SPATA16: variants seen among roughly 807,000 people sequenced by gnomAD.
The protein encoded by SPATA16 is spermatogenesis-associated protein 16.
In SPATA16, 36 loss-of-function variants were observed where a neutral mutation model predicts 63.3. That is an observed-to-expected ratio of 0.57 (90% confidence interval 0.44 to 0.75). SPATA16 has a LOEUF of 0.75. SPATA16 is among the 30% of genes least tolerant of loss of function. The pLI, the probability that SPATA16 is intolerant of heterozygous loss-of-function variation, is 0.00. For missense variants in SPATA16, 646 were observed against 679.3 expected (o/e 0.95, Z 0.54); for synonymous variants, 203 against 216.7 (o/e 0.94, Z 0.56).
Position 173,048,950 on chromosome 3 carries a change from T to TATACTAATAA in SPATA16, c.756_757insTTATTAGTAT (p.Arg253LeufsTer4). On this transcript the variant is annotated frameshift_variant and splice_region_variant, in exon 3 of 11. Coordinates refer to ENST00000351008, the MANE Select transcript of SPATA16 (RefSeq NM_031955.6). LOFTEE classifies it high-confidence loss of function. ...GCACTTATTAGTATATGATTTTACC[T>TATACTAATAA]GTGTGCATGATTCAGGGCAAGATCT... 2 of 1,613,710 alleles carry TATACTAATAA rather than the reference T, an allele frequency of 1.2e-6. No homozygotes were observed. Among genetic ancestry groups the TATACTAATAA allele is most frequent in the Middle Eastern group, 1.7e-4 (1 of 6,060 alleles).
At chr3:173,086,770 A>G (rs1172413686) in intron 2 of SPATA16, among the ~76,000 whole-genome samples, 1 of 152,076 alleles carries the variant, frequency 6.6e-6, no homozygotes, top group East Asian at 1.9e-4. Context: ...GAAATTCTTA[A>G]TTTCTGCCTT....
chr3:172,958,672 T>C (rs1340926308), intron 5 of SPATA16, among the ~76,000 whole-genome samples: 2 of 152,140 alleles, frequency 1.3e-5, no homozygotes, highest in Non-Finnish European at 2.9e-5. Flanking sequence ...AGACTGGAAG[T>C]CCAAGACAGT....
chr3:173,016,799 A>G (rs548580104), intron 4 of SPATA16, among the ~76,000 whole-genome samples: 23 of 152,272 alleles, frequency 1.5e-4, no homozygotes, highest in Admixed American at 3.3e-4. Flanking sequence ...GAATCACCCG[A>G]GGTCAGGAGT....
At chr3:173,064,736 GT>G (rs897527505) in intron 2 of SPATA16, among the ~76,000 whole-genome samples, 6 of 152,144 alleles carry the variant, frequency 3.9e-5, no homozygotes, top group Admixed American at 6.5e-5. Flanking sequence ...CATATTAAAA[GT>G]TTTGCTTATT....
chr3:172,986,324 C>A (rs1356212611), intron 4 of SPATA16, among the ~76,000 whole-genome samples: 1 of 152,018 alleles, frequency 6.6e-6, no homozygotes, highest in Admixed American at 6.6e-5. Context: ...GAGTACTGGA[C>A]TTGTATTTGC....
chr3:173,055,373 T>A (rs763943919), intron 2 of SPATA16, among the ~76,000 whole-genome samples: 1 of 152,224 alleles, frequency 6.6e-6, no homozygotes, highest in Non-Finnish European at 1.5e-5. Context: ...CTGAAAGTGA[T>A]CTAGATGTCC....
In SPATA16 at chr3:172,889,704, A is replaced by G; in HGVS notation, c.1588-12T>C. ...TCAATTTGTCCAACCTAGAAGAAAT[A>G]AACAGATGCAACAAGATTTGTTGTT... On this transcript the variant is annotated splice_polypyrimidine_tract_variant and intron_variant, in intron 10 of 10. Coordinates refer to ENST00000351008, the MANE Select transcript of SPATA16 (RefSeq NM_031955.6). 1 of 1,612,082 alleles carries G rather than the reference A, an allele frequency of 6.2e-7. No individual in the cohort carries two copies. Among genetic ancestry groups the G allele is most frequent in the African/African-American group, 1.3e-5 (1 of 75,034 alleles).
chr3:172,965,566 G>A (rs990482512), intron 5 of SPATA16, among the ~76,000 whole-genome samples: 4 of 151,926 alleles, frequency 2.6e-5, no homozygotes, highest in Non-Finnish European at 4.4e-5. Flanking sequence ...TTGCCTCCCC[G>A]TAATTTCTTT....
intron 3 of SPATA16, among the ~76,000 whole-genome samples, chr3:173,029,418 T>G (rs971476981): frequency 9.7e-5 from 12 of 123,296 alleles, no homozygotes; most frequent in South Asian, 2.6e-4. Flanking sequence ...TTTTTTTTTG[T>G]TTGTTTGTTT....
chr3:173,005,699 T>C (rs1305964395), intron 4 of SPATA16, among the ~76,000 whole-genome samples: 4 of 152,186 alleles, frequency 2.6e-5, no homozygotes, highest in African/African-American at 9.7e-5. Flanking sequence ...ATGGAGAAAT[T>C]AACAAAGTCA....
At chr3:173,035,195 A>G (rs964200291) in intron 3 of SPATA16, among the ~76,000 whole-genome samples, 1 of 152,196 alleles carries the variant, frequency 6.6e-6, no homozygotes, top group Non-Finnish European at 1.5e-5. Context: ...TAATAAAAAT[A>G]CATACATAAC....
rs74928488 is a variant in SPATA16, at chr3:173,056,135, A to G, written c.613-7041T>C. ...GGTTTGTTTTGAAGTTTCATTCACA[A>G]GCCATTATAGAAGCATACATCAGCC... On this transcript the variant is annotated intron_variant, in intron 2 of 10. Transcript: ENST00000351008. Among the ~76,000 whole-genome samples, 1,076 of 152,302 alleles carry G rather than the reference A, an allele frequency of 7.1e-3. 20 individuals are homozygous for G. Among genetic ancestry groups the G allele is most frequent in the African/African-American group, 0.024 (1,015 of 41,564 alleles).
At chr3:173,023,849 A>G (rs1735392414) in intron 3 of SPATA16, among the ~76,000 whole-genome samples, 1 of 151,520 alleles carries the variant, frequency 6.6e-6, no homozygotes, top group African/African-American at 2.4e-5. Flanking sequence ...ATATCTATGT[A>G]TATGCACACA....
intron 1 of SPATA16, among the ~76,000 whole-genome samples, chr3:173,135,252 C>T (rs1738512160): frequency 6.6e-6 from 1 of 152,182 alleles, no homozygotes. Flanking sequence ...AGTGAAACCA[C>T]AGGTTGATAC....
intron 1 of SPATA16, among the ~76,000 whole-genome samples, chr3:173,119,620 C>T (rs1383585860): frequency 6.6e-6 from 1 of 152,110 alleles, no homozygotes; most frequent in Non-Finnish European, 1.5e-5. Context: ...GATAATGACA[C>T]AGTAGGGTTG....
intron 2 of SPATA16, among the ~76,000 whole-genome samples, chr3:173,067,242 T>C (rs542590046): frequency 6.6e-6 from 1 of 152,240 alleles, no homozygotes; most frequent in South Asian, 2.1e-4. Context: ...GAAAATGTGA[T>C]ACCTATACAC....
At chr3:173,094,838 C>T (rs971124490) in intron 2 of SPATA16, among the ~76,000 whole-genome samples, 1 of 152,036 alleles carries the variant, frequency 6.6e-6, no homozygotes, top group African/African-American at 2.4e-5. Context: ...GGAGCAGCTC[C>T]GTTTTATCTT....
intron 6 of SPATA16, among the ~76,000 whole-genome samples, chr3:172,953,539 G>A (rs546033525): frequency 8.5e-5 from 13 of 152,258 alleles, no homozygotes; most frequent in Admixed American, 3.3e-4. Context: ...GAGTACATAC[G>A]AAGAAGCAAC....
intron 8 of SPATA16, among the ~76,000 whole-genome samples, chr3:172,921,517 A>T (rs1732614571): frequency 6.6e-6 from 1 of 151,722 alleles, no homozygotes; most frequent in African/African-American, 2.4e-5. Flanking sequence ...TGCCTGAGTG[A>T]AGGGATCTGA....
Sources: allele counts gnomAD v4.1 joint callset (sites outside exome capture counted in the v4.1 genomes callset), GRCh38; gene constraint gnomAD v4.1.1; transcripts MANE v1.5; gene names NCBI Gene and HGNC (gene_info 2026-07-23, HGNC 2026-07-21).